The following RTN4IP1 variants were observed in gnomAD, a reference collection of about 807,000 sequenced individuals.
The protein encoded by RTN4IP1 is NAD(P)H oxidoreductase RTN4IP1, mitochondrial.
In RTN4IP1, 32 loss-of-function variants were observed where a neutral mutation model predicts 46.6. The ratio of observed to expected loss-of-function variants is 0.69; its 90% confidence interval spans 0.52 to 0.92. RTN4IP1 has a LOEUF of 0.92. Among genes scored for constraint, RTN4IP1 ranks in the 40% least tolerant of loss-of-function variants. The pLI, the probability that RTN4IP1 is intolerant of heterozygous loss-of-function variation, is 0.00. For missense variants in RTN4IP1, 424 were observed against 485.8 expected (o/e 0.87, Z 1.20); for synonymous variants, 167 against 161.8 (o/e 1.03, Z -0.24).
intron 8 of RTN4IP1, among the ~76,000 whole-genome samples, chr6:106,577,158 T>C (rs907219216): frequency 2.3e-4 from 35 of 152,042 alleles, no homozygotes; most frequent in African/African-American, 8.2e-4. Context: ...TTCCTGGCCG[T>C]GTGCAGTGGC....
At chr6:106,621,360 A>G in intron 3 of RTN4IP1, 65 bp downstream of exon 3, 1 of 1,189,772 alleles carries the variant, frequency 8.4e-7, no homozygotes, top group Non-Finnish European at 1.3e-6. Context: ...AACACCAGTT[A>G]TTTCAGATAT....
Position 106,628,445 on chromosome 6 carries a change from G to A in RTN4IP1, c.274+303C>T, listed in dbSNP as rs561569418. On this transcript the variant is annotated intron_variant, in intron 1 of 8. Coordinates refer to ENST00000369063, the MANE Select transcript of RTN4IP1 (RefSeq NM_032730.5). ...ATCAGGCCACCGCACTCTAGCCTGG[G>A]TGACAGAGTGAGACTCAGTCTCAAA... is the stretch of plus-strand genomic sequence containing the variant. Among the ~76,000 whole-genome samples the A allele has an allele frequency of 3.3e-5, 5 of 151,824 alleles. No homozygotes were observed. In the South Asian group the frequency reaches 6.3e-4, roughly 19 times the overall value.
intron 7 of RTN4IP1, chr6:106,583,647 C>A (rs1775420231): frequency 4.6e-6 from 2 of 435,280 alleles, no homozygotes; most frequent in Non-Finnish European, 4.3e-6. Flanking sequence ...GTCACTCAGG[C>A]TCCTTCTCTA....
At chr6:106,624,746 A>C (rs2114684537) in intron 1 of RTN4IP1, among the ~76,000 whole-genome samples, 1 of 151,228 alleles carries the variant, frequency 6.6e-6, no homozygotes, top group East Asian at 2.0e-4. Context: ...TCAGGAGTTC[A>C]AAACCAGCCT....
chr6:106,616,177 AAAGTGCTGGG>A (rs1197723064), intron 4 of RTN4IP1, among the ~76,000 whole-genome samples: 1 of 152,240 alleles, frequency 6.6e-6, no homozygotes, highest in Non-Finnish European at 1.5e-5. Context: ...TCGGCCTCCC[AAAGTGCTGGG>A]ATTACAGGCA....
At chr6:106,629,675 G>T, upstream of RTN4IP1, 1 of 1,604,786 alleles carries the variant, frequency 6.2e-7, no homozygotes, top group Non-Finnish European at 8.5e-7. Flanking sequence ...GGCTGGGCAC[G>T]AGGACCATGC....
intron 1 of RTN4IP1, among the ~76,000 whole-genome samples, chr6:106,626,083 G>A (rs1405383494): frequency 6.6e-6 from 1 of 152,140 alleles, no homozygotes; most frequent in East Asian, 1.9e-4. Flanking sequence ...GTAGGTGAGG[G>A]GGATGGGATC....
intron 8 of RTN4IP1, among the ~76,000 whole-genome samples, chr6:106,573,964 C>G (rs1332063728): frequency 6.6e-6 from 1 of 152,178 alleles, no homozygotes; most frequent in Non-Finnish European, 1.5e-5. Context: ...GAGGACATCA[C>G]TATTGCTGAT....
intron 5 of RTN4IP1, among the ~76,000 whole-genome samples, chr6:106,597,679 T>C (rs1775831166): frequency 1.3e-5 from 2 of 151,680 alleles, no homozygotes; most frequent in Non-Finnish European, 2.9e-5. Flanking sequence ...AATTTTTTTC[T>C]GCATTTTGTT....
intron 4 of RTN4IP1, among the ~76,000 whole-genome samples, chr6:106,609,161 T>C (rs748316469): frequency 2.0e-5 from 3 of 152,216 alleles, no homozygotes; most frequent in African/African-American, 7.2e-5. Flanking sequence ...ACTTCCCAAC[T>C]TATTCTGCAA....
intron 5 of RTN4IP1, among the ~76,000 whole-genome samples, chr6:106,595,856 G>A (rs990294305): frequency 1.3e-5 from 2 of 152,054 alleles, no homozygotes; most frequent in Non-Finnish European, 2.9e-5. Context: ...ATATTATTTT[G>A]TCTGCTCAAT....
chr6:106,595,273 C>T (rs1054162203), intron 5 of RTN4IP1, among the ~76,000 whole-genome samples: 3 of 152,160 alleles, frequency 2.0e-5, no homozygotes, highest in Non-Finnish European at 4.4e-5. Flanking sequence ...TTTTCTGCAA[C>T]TCGGCAGATG....
intron 5 of RTN4IP1, among the ~76,000 whole-genome samples, chr6:106,595,555 T>C (rs993219829): frequency 1.3e-5 from 2 of 151,022 alleles, no homozygotes; most frequent in African/African-American, 4.9e-5. Flanking sequence ...TAGAGTGCAG[T>C]GGCGTGATCT....
At chr6:106,617,732 T>C (rs976217204) in intron 4 of RTN4IP1, among the ~76,000 whole-genome samples, 1 of 152,202 alleles carries the variant, frequency 6.6e-6, no homozygotes, top group Non-Finnish European at 1.5e-5. Context: ...TCTAAATTGT[T>C]TTTTACAGTA....
intron 5 of RTN4IP1, among the ~76,000 whole-genome samples, chr6:106,596,746 C>T (rs770540602): frequency 2.0e-5 from 3 of 152,124 alleles, no homozygotes. Flanking sequence ...TAGTCAGAAG[C>T]TCATTATCTA....
chr6:106,572,481 T>G, intron 8 of RTN4IP1: 3 of 183,056 alleles, frequency 1.6e-5, no homozygotes, highest in African/African-American at 2.3e-5. Context: ...CTCCACGTGG[T>G]ATGTTTATGC....
At chr6:106,609,037 T>C (rs1421578535) in intron 4 of RTN4IP1, among the ~76,000 whole-genome samples, 1 of 152,220 alleles carries the variant, frequency 6.6e-6, no homozygotes, top group Non-Finnish European at 1.5e-5. Flanking sequence ...CTCCAGGCTC[T>C]AGAATGCTAT....
intron 8 of RTN4IP1, among the ~76,000 whole-genome samples, chr6:106,573,365 G>C (rs888792559): frequency 6.6e-6 from 1 of 152,186 alleles, no homozygotes; most frequent in Non-Finnish European, 1.5e-5. Context: ...AAGTGTTTTC[G>C]TGACATTCAG....
chr6:106,589,761 T>C (rs1240841891), intron 6 of RTN4IP1, among the ~76,000 whole-genome samples: 1 of 152,228 alleles, frequency 6.6e-6, no homozygotes, highest in African/African-American at 2.4e-5. Context: ...CTAGGTAGAC[T>C]GAGAGGTCAA....
Sources: allele counts gnomAD v4.1 joint callset (sites outside exome capture counted in the v4.1 genomes callset), GRCh38; gene constraint gnomAD v4.1.1; transcripts MANE v1.5; gene names NCBI Gene and HGNC (gene_info 2026-07-23, HGNC 2026-07-21).